SH3RF3: variants seen among roughly 807,000 people sequenced by gnomAD.
The protein encoded by SH3RF3 is E3 ubiquitin-protein ligase SH3RF3.
Under a neutral mutation model 66.3 loss-of-function variants are expected in SH3RF3, and 29 were observed. The observed-to-expected ratio is 0.44, with a 90% CI of 0.33 to 0.60. The LOEUF (loss-of-function observed/expected upper bound fraction) is 0.60. Ranked by LOEUF, SH3RF3 falls within the 20% of genes least tolerant of loss-of-function variation. The probability of loss-of-function intolerance (pLI) is 0.04; values close to 1 mark genes in which losing one functional copy is unlikely to be tolerated. For synonymous variants in SH3RF3, 583 were observed against 532.0 expected (o/e 1.10, Z -1.32); for missense variants, 1,194 against 1,190.9 (o/e 1.00, Z -0.04).
chr2:109,155,664 G>T (rs1677329895), intron 1 of SH3RF3, among the ~76,000 whole-genome samples: 2 of 152,188 alleles, frequency 1.3e-5, no homozygotes, highest in South Asian at 4.1e-4. Context: ...TGCCTGGCCT[G>T]TAACTCCATC....
At chr2:109,131,239 T>C (rs1316524773) in intron 1 of SH3RF3, among the ~76,000 whole-genome samples, 1 of 152,094 alleles carries the variant, frequency 6.6e-6, no homozygotes, top group Non-Finnish European at 1.5e-5. Flanking sequence ...TGCCATACTT[T>C]GCTGCAATGG....
At chr2:109,419,993 G>A (rs574708550) in intron 5 of SH3RF3, among the ~76,000 whole-genome samples, 2 of 152,318 alleles carry the variant, frequency 1.3e-5, no homozygotes, top group Admixed American at 6.5e-5. Context: ...AAGCAGGTGC[G>A]CAGAGCAGCG....
At chr2:109,477,225 AC>A (rs1233278147) in intron 8 of SH3RF3, among the ~76,000 whole-genome samples, 2 of 152,122 alleles carry the variant, frequency 1.3e-5, no homozygotes, top group Non-Finnish European at 2.9e-5. Context: ...CGGGTTGCAC[AC>A]CCTCACGTGG....
intron 1 of SH3RF3, among the ~76,000 whole-genome samples, chr2:109,181,230 A>G (rs1269250003): frequency 6.6e-6 from 1 of 152,182 alleles, no homozygotes; most frequent in East Asian, 1.9e-4. Context: ...AAAAGTTGAG[A>G]AAACAGAACA....
chr2:109,359,099 G>T (rs1683006075), intron 2 of SH3RF3, among the ~76,000 whole-genome samples: 2 of 152,010 alleles, frequency 1.3e-5, no homozygotes, highest in African/African-American at 4.8e-5. Flanking sequence ...ATTTATGTGG[G>T]TTTATTTCTG....
chr2:109,289,327 G>A (rs1574552702), intron 1 of SH3RF3, among the ~76,000 whole-genome samples: 1 of 151,500 alleles, frequency 6.6e-6, no homozygotes, highest in Non-Finnish European at 1.5e-5. Flanking sequence ...CACATCCCAT[G>A]CTCCCACACA....
chr2:109,164,896 G>A (rs760680847), intron 1 of SH3RF3, among the ~76,000 whole-genome samples: 1 of 152,204 alleles, frequency 6.6e-6, no homozygotes, highest in Non-Finnish European at 1.5e-5. Flanking sequence ...GGCACTTATG[G>A]ATGATGGTCA....
At chr2:109,372,612 T>C (rs960434065) in intron 3 of SH3RF3, among the ~76,000 whole-genome samples, 3 of 152,228 alleles carry the variant, frequency 2.0e-5, no homozygotes, top group African/African-American at 7.2e-5. Context: ...AAAGGTAACG[T>C]AGCATTCTCA....
chr2:109,426,991 A>G (rs1377634643), intron 5 of SH3RF3, among the ~76,000 whole-genome samples: 2 of 151,526 alleles, frequency 1.3e-5, no homozygotes, highest in Non-Finnish European at 2.9e-5. Context: ...TTTTTTTGAG[A>G]CGAGTCTCGC....
intron 4 of SH3RF3, among the ~76,000 whole-genome samples, chr2:109,410,418 C>G (rs113829729): frequency 0.045 from 6,807 of 152,300 alleles, 491 homozygotes; most frequent in African/African-American, 0.15. Flanking sequence ...GCGGAGGGCC[C>G]CTGCAGCTCC....
intron 1 of SH3RF3, among the ~76,000 whole-genome samples, chr2:109,147,472 A>G (rs1223636162): frequency 2.0e-5 from 3 of 152,192 alleles, no homozygotes; most frequent in Admixed American, 6.5e-5. Flanking sequence ...ATAATTTTCC[A>G]TCTACCACTT....
chr2:109,427,674 G>A (rs902313314), intron 5 of SH3RF3, among the ~76,000 whole-genome samples: 8 of 152,338 alleles, frequency 5.3e-5, no homozygotes, highest in Admixed American at 1.3e-4. Flanking sequence ...CCTCACAGCC[G>A]TGCCACCCCA....
At chr2:109,185,783 A>G (rs1008457586) in intron 1 of SH3RF3, among the ~76,000 whole-genome samples, 1 of 152,246 alleles carries the variant, frequency 6.6e-6, no homozygotes, top group South Asian at 2.1e-4. Flanking sequence ...TTAACTTGGC[A>G]CACTAATACT....
At chr2:109,322,212 G>T (rs76004882) in intron 1 of SH3RF3, among the ~76,000 whole-genome samples, 1 of 152,136 alleles carries the variant, frequency 6.6e-6, no homozygotes, top group Non-Finnish European at 1.5e-5. Context: ...GGAATCCCCC[G>T]AATAATCACC....
At chr2:109,453,316 A>G (rs1389051282) in intron 8 of SH3RF3, among the ~76,000 whole-genome samples, 2 of 151,796 alleles carry the variant, frequency 1.3e-5, no homozygotes, top group Non-Finnish European at 2.9e-5. Context: ...CAAGTTACAC[A>G]GTAGAACTCA....
In SH3RF3 at chr2:109,501,870, CCT is replaced by C; in HGVS notation, c.*200_*201del. 1 of 555,418 alleles carries C rather than the reference CCT, an allele frequency of 1.8e-6. No individual in the cohort carries two copies. Among genetic ancestry groups the C allele is most frequent in the African/African-American group, 1.9e-5 (1 of 53,390 alleles). 34.4% of individuals were successfully genotyped at this position (555,418 alleles called of 1,614,324 possible). A position where few individuals can be genotyped will look rare whatever the true frequency, so the allele number is the denominator to read the frequency against. On this transcript the variant is annotated 3_prime_UTR_variant, in exon 10 of 10. Coordinates refer to ENST00000309415, the MANE Select transcript of SH3RF3 (RefSeq NM_001099289.3). ...CCAAAACCCCCAAACGGAGAGCACA[CCT>C]GGGATGTTCTTCAAGGAAATGCCCA...
chr2:109,197,350 G>C (rs1203852906), intron 1 of SH3RF3, among the ~76,000 whole-genome samples: 1 of 152,202 alleles, frequency 6.6e-6, no homozygotes, highest in East Asian at 1.9e-4. Context: ...GGGAAGGGAA[G>C]GGCCAGACCC....
chr2:109,239,004 T>C (rs1679717376), intron 1 of SH3RF3, among the ~76,000 whole-genome samples: 1 of 152,232 alleles, frequency 6.6e-6, no homozygotes, highest in South Asian at 2.1e-4. Context: ...GAAAAGCTAC[T>C]GGTAGACAGA....
chr2:109,135,248 G>A (rs1045482336), intron 1 of SH3RF3, among the ~76,000 whole-genome samples: 1 of 152,212 alleles, frequency 6.6e-6, no homozygotes, highest in Non-Finnish European at 1.5e-5. Flanking sequence ...TCCCAGGCTG[G>A]TGTCTGAAGC....
Sources: allele counts gnomAD v4.1 joint callset (sites outside exome capture counted in the v4.1 genomes callset), GRCh38; gene constraint gnomAD v4.1.1; transcripts MANE v1.5; gene names NCBI Gene and HGNC (gene_info 2026-07-23, HGNC 2026-07-21).